Variants in NRXN1 observed in about 807,000 individuals in gnomAD.
NRXN1 encodes the protein neurexin 1.
In NRXN1, 39 loss-of-function variants were observed where a neutral mutation model predicts 150.9. The ratio of observed to expected loss-of-function variants is 0.26; its 90% CI spans 0.20 to 0.34. The LOEUF is 0.34. Ranked by LOEUF, NRXN1 falls within the 10% of genes least tolerant of loss-of-function variation. The probability of loss-of-function intolerance (pLI) is 1.00; values close to 1 mark genes in which losing one functional copy is unlikely to be tolerated. For missense variants in NRXN1, 1,815 were observed against 1,949.9 expected (o/e 0.93, Z 1.30); for synonymous variants, 924 against 757.0 (o/e 1.22, Z -3.62).
chr2:50,104,683 C>A (rs761017050), intron 18 of NRXN1, among the ~76,000 whole-genome samples: 3 of 151,992 alleles, frequency 2.0e-5, no homozygotes, highest in Non-Finnish European at 4.4e-5. Flanking sequence ...AGCTGAGCCT[C>A]AAAAGCTTGT....
Position 50,495,878 on chromosome 2 carries a change from C to T in NRXN1, c.3070+27G>A, listed in dbSNP as rs143606277. On this transcript the variant is annotated intron_variant, in intron 15 of 22. Transcript: ENST00000401669. The stretch of plus-strand genomic sequence containing the variant: ...AAGGGAGACCGTGTGGTGCAAGGCT[C>T]GTTGCTCTGACTTAACATGCACTTA... 5.6e-5 allele frequency: 87 copies of T among 1,549,768 alleles called. 1 individual carries two copies. The Admixed American group carries it at 5.8e-4, about 10-fold the overall frequency.
intron 12 of NRXN1, among the ~76,000 whole-genome samples, chr2:50,518,473 A>G (rs1227147036): frequency 1.3e-5 from 2 of 151,986 alleles, no homozygotes; most frequent in Non-Finnish European, 2.9e-5. Context: ...GTTAAAGAAA[A>G]GGGTTATACT....
intron 19 of NRXN1, among the ~76,000 whole-genome samples, chr2:50,062,237 T>C (rs1450250607): frequency 6.6e-6 from 1 of 152,024 alleles, no homozygotes; most frequent in East Asian, 1.9e-4. Context: ...TGTCAGGAGG[T>C]AAAGCCTTTG....
At chr2:50,865,658 GTTTTTTTTTTTTTTT>G (rs71404978) in intron 5 of NRXN1, among the ~76,000 whole-genome samples, 1 of 41,832 alleles carries the variant, frequency 2.4e-5, no homozygotes, top group African/African-American at 1.1e-4. Context: ...GCATTTGAAA[GTTTTTTTTTTTTTTT>G]TTTTTTTTTT....
intron 21 of NRXN1, among the ~76,000 whole-genome samples, chr2:49,976,681 T>G (rs552809982): frequency 6.6e-6 from 1 of 152,246 alleles, no homozygotes; most frequent in South Asian, 2.1e-4. Flanking sequence ...GTTCTGGCAA[T>G]CTCTGCTGAA....
intron 8 of NRXN1, among the ~76,000 whole-genome samples, chr2:50,613,846 G>A (rs1350050227): frequency 6.6e-6 from 1 of 152,136 alleles, no homozygotes; most frequent in African/African-American, 2.4e-5. Flanking sequence ...GCTGAGGCAG[G>A]AGAATGGCGT....
chr2:50,520,583 T>C (rs563757567), intron 12 of NRXN1, among the ~76,000 whole-genome samples: 65 of 152,086 alleles, frequency 4.3e-4, no homozygotes, highest in Non-Finnish European at 7.1e-4. Context: ...TGTTCCATAA[T>C]TGATAACTCA....
At chr2:50,654,508 A>G (rs958631754) in intron 5 of NRXN1, among the ~76,000 whole-genome samples, 1 of 151,944 alleles carries the variant, frequency 6.6e-6, no homozygotes, top group Non-Finnish European at 1.5e-5. Flanking sequence ...ATGTGTCTTT[A>G]TAGCAGCATG....
At chr2:50,379,834 C>A (rs904471180) in intron 17 of NRXN1, among the ~76,000 whole-genome samples, 3 of 152,158 alleles carry the variant, frequency 2.0e-5, no homozygotes, top group Non-Finnish European at 4.4e-5. Flanking sequence ...ACATTTGTAT[C>A]TCATTTTAAA....
At chr2:50,986,978 A>G (rs1259435832) in intron 2 of NRXN1, among the ~76,000 whole-genome samples, 4 of 151,862 alleles carry the variant, frequency 2.6e-5, no homozygotes, top group Non-Finnish European at 5.9e-5. Context: ...GTAGGAATGG[A>G]GGACTCTTTT....
intron 11 of NRXN1, among the ~76,000 whole-genome samples, chr2:50,530,037 C>T (rs1364907874): frequency 6.6e-6 from 1 of 152,084 alleles, no homozygotes; most frequent in Non-Finnish European, 1.5e-5. Flanking sequence ...CATTTTATTA[C>T]TCCTTTTTTG....
At chr2:50,914,819 GAC>G (rs1240263711) in intron 5 of NRXN1, among the ~76,000 whole-genome samples, 1 of 151,592 alleles carries the variant, frequency 6.6e-6, no homozygotes, top group Non-Finnish European at 1.5e-5. Flanking sequence ...AAGGAAACTT[GAC>G]AAACTTGTTT....
chr2:50,148,286 A>G (rs1469711560), intron 18 of NRXN1, among the ~76,000 whole-genome samples: 1 of 151,592 alleles, frequency 6.6e-6, no homozygotes, highest in East Asian at 1.9e-4. Flanking sequence ...CTAGCAAGTT[A>G]CTTAACCTCT....
chr2:50,202,142 A>C (rs1005263725), intron 18 of NRXN1, among the ~76,000 whole-genome samples: 1 of 152,162 alleles, frequency 6.6e-6, no homozygotes, highest in Non-Finnish European at 1.5e-5. Flanking sequence ...TGGACACCAC[A>C]AACAAAGGGC....
At chr2:50,534,416 AT>A (rs1558895360) in intron 10 of NRXN1, among the ~76,000 whole-genome samples, 2 of 152,072 alleles carry the variant, frequency 1.3e-5, no homozygotes, top group Admixed American at 6.6e-5. Context: ...ATAATATCAT[AT>A]TTTTTTCCAA....
At chr2:50,280,371 T>C (rs1248843304) in intron 17 of NRXN1, among the ~76,000 whole-genome samples, 2 of 152,058 alleles carry the variant, frequency 1.3e-5, no homozygotes, top group Non-Finnish European at 2.9e-5. Context: ...AAGATTGTTT[T>C]AAATAAATGG....
chr2:50,788,905 C>G (rs947943335), intron 5 of NRXN1, among the ~76,000 whole-genome samples: 8 of 152,072 alleles, frequency 5.3e-5, no homozygotes, highest in Non-Finnish European at 1.2e-4. Context: ...GAAGGTTTCT[C>G]AATAAAGGTG....
chr2:50,228,523 T>C (rs1451054489), intron 18 of NRXN1, among the ~76,000 whole-genome samples: 1 of 151,994 alleles, frequency 6.6e-6, no homozygotes, highest in African/African-American at 2.4e-5. Flanking sequence ...CAGGTAGAGA[T>C]GCTGAGTAAG....
chr2:50,336,604 T>A (rs1006432094), intron 17 of NRXN1, among the ~76,000 whole-genome samples: 2 of 152,240 alleles, frequency 1.3e-5, no homozygotes, highest in African/African-American at 4.8e-5. Flanking sequence ...CTGTTCCCTT[T>A]TAATTGTAAA....
Sources: allele counts gnomAD v4.1 joint callset (sites outside exome capture counted in the v4.1 genomes callset), GRCh38; gene constraint gnomAD v4.1.1; transcripts MANE v1.5; gene names NCBI Gene and HGNC (gene_info 2026-07-23, HGNC 2026-07-21).